THAP6: variants seen among roughly 807,000 people sequenced by gnomAD.
THAP6 encodes the protein THAP domain containing 6.
In THAP6, 13 loss-of-function variants were observed where a neutral mutation model predicts 20.0. That is an observed-to-expected ratio of 0.65 (90% CI 0.42 to 1.03). THAP6 has a LOEUF of 1.03. THAP6 is among the 50% of genes least tolerant of loss of function. The pLI is 0.00. For synonymous variants in THAP6, 93 were observed against 92.2 expected (o/e 1.01, Z -0.05); for missense variants, 262 against 261.6 (o/e 1.00, Z -0.01).
upstream of THAP6, chr4:75,514,390 A>C (rs1487020513): frequency 3.0e-6 from 4 of 1,328,838 alleles, no homozygotes; most frequent in Non-Finnish European, 4.1e-6. Context: ...CCCAGCGGCC[A>C]CTAGCGACAA....
chr4:75,516,442 G>A (rs1429925442), intron 2 of THAP6, among the ~76,000 whole-genome samples: 2 of 152,204 alleles, frequency 1.3e-5, no homozygotes, highest in Non-Finnish European at 2.9e-5. Flanking sequence ...AAAGGCCCAA[G>A]TGATAATTCT....
At chr4:75,515,880 CCTCT>C (rs1348053255) in intron 2 of THAP6, among the ~76,000 whole-genome samples, 3 of 152,164 alleles carry the variant, frequency 2.0e-5, no homozygotes, top group Admixed American at 2.0e-4. Flanking sequence ...AATATATTGC[CCTCT>C]CTATTTAGAA....
intron 3 of THAP6, chr4:75,517,229 G>A: frequency 2.9e-6 from 1 of 346,636 alleles, no homozygotes; most frequent in Non-Finnish European, 5.4e-6. Flanking sequence ...TCTTGGCCAG[G>A]CTGGTCTTGA....
intron 4 of THAP6, among the ~76,000 whole-genome samples, chr4:75,523,546 G>A (rs1351283666): frequency 1.3e-5 from 2 of 152,118 alleles, no homozygotes; most frequent in East Asian, 1.9e-4. Flanking sequence ...GCTCATGCCT[G>A]TAATCCCAGC....
upstream of THAP6, chr4:75,514,449 GGGC>G: frequency 1.3e-6 from 1 of 753,778 alleles, no homozygotes. Context: ...CCGGTTCCCG[GGGC>G]TACGAGGCGG....
chr4:75,539,492 T>C (rs1269661702), intron 2 of THAP6, among the ~76,000 whole-genome samples: 1 of 152,214 alleles, frequency 6.6e-6, no homozygotes, highest in Non-Finnish European at 1.5e-5. Context: ...CAATTAAAGG[T>C]ACTGAAACTA....
chr4:75,531,038 T>A (rs566422226), downstream of THAP6, among the ~76,000 whole-genome samples: 1 of 152,340 alleles, frequency 6.6e-6, no homozygotes, highest in Admixed American at 6.5e-5. Flanking sequence ...GGCATGAAAC[T>A]GCTATCCTTG....
At position 75,528,533 on chromosome 4, in the gene THAP6, T is replaced by TATA; in HGVS notation, c.*1320_*1321insTAA. On this transcript the variant is annotated 3_prime_UTR_variant, in exon 5 of 5. Transcript: ENST00000311638. ...GCATTTTGTGCTCAGTTGTTTATTG[T>TATA]AATTTTATTTTTGTTACATTAATAT... The TATA allele has an allele frequency of 1.0e-6, 1 of 983,876 alleles. No homozygotes were observed. The highest frequency in any genetic ancestry group is 1.2e-6 in the Non-Finnish European group (1 of 828,502). 60.9% of individuals were successfully genotyped at this position (983,876 alleles called of 1,614,324 possible).
intron 4 of THAP6, among the ~76,000 whole-genome samples, chr4:75,524,788 C>G (rs1052850120): frequency 6.6e-6 from 1 of 151,694 alleles, no homozygotes; most frequent in Non-Finnish European, 1.5e-5. Context: ...CAGGGTTTCC[C>G]TCTGTCACCC....
intron 3 of THAP6, among the ~76,000 whole-genome samples, chr4:75,518,683 T>C (rs1236950600): frequency 6.6e-6 from 1 of 152,212 alleles, no homozygotes; most frequent in Non-Finnish European, 1.5e-5. Flanking sequence ...TACTATTAAC[T>C]ACTACTCTCC....
chr4:75,528,023 CT>C lies in THAP6; in HGVS notation c.*813del, dbSNP rs1726489185. On this transcript the variant is annotated 3_prime_UTR_variant, in exon 5 of 5. Transcript: ENST00000311638. The stretch of plus-strand genomic sequence containing the variant: ...TCTGAATGGCAGTACTAGCTCTATA[CT>C]TTTAATACTGCTTTGTATTTTATAT... 4 of 985,012 alleles carry C rather than the reference CT, an allele frequency of 4.1e-6. No individual in the cohort carries two copies. In the South Asian group the frequency reaches 1.9e-4, roughly 46 times the overall value. The allele number at this position is 985,012 out of a possible 1,614,324, so 61.0% of individuals were successfully genotyped here.
intron 3 of THAP6, among the ~76,000 whole-genome samples, chr4:75,547,244 T>A (rs1329944924): frequency 6.6e-6 from 1 of 152,214 alleles, no homozygotes; most frequent in Non-Finnish European, 1.5e-5. Context: ...AAGATTTGGT[T>A]CTTCTGTACA....
chr4:75,516,145 A>C (rs1453704513), intron 2 of THAP6, among the ~76,000 whole-genome samples: 5 of 152,216 alleles, frequency 3.3e-5, no homozygotes, highest in Non-Finnish European at 5.9e-5. Flanking sequence ...ATTTTGTTAG[A>C]TATAATAAAT....
At chr4:75,522,023 A>T in intron 4 of THAP6, 162 bp downstream of exon 4, 1 of 759,866 alleles carries the variant, frequency 1.3e-6, no homozygotes, top group Non-Finnish European at 2.0e-6. Flanking sequence ...TATATATGCA[A>T]CAGCAAAATA....
chr4:75,530,133 TA>T (rs1156632049), downstream of THAP6: 1 of 938,844 alleles, frequency 1.1e-6, no homozygotes, highest in African/African-American at 1.8e-5. Context: ...CCAATAACTC[TA>T]ATATGGGGTC....
At chr4:75,536,273 T>C (rs957721876) in intron 2 of THAP6, among the ~76,000 whole-genome samples, 2 of 152,158 alleles carry the variant, frequency 1.3e-5, no homozygotes, top group Non-Finnish European at 2.9e-5. Flanking sequence ...AAGACCAGCC[T>C]GACCAACATG....
At chr4:75,542,657 T>C (rs1032552284) in intron 3 of THAP6, 40 of 523,884 alleles carry the variant, frequency 7.6e-5, no homozygotes, top group Non-Finnish European at 1.2e-4. Flanking sequence ...GATGTCTTCA[T>C]ATCATTATAT....
At chr4:75,532,681 G>A (rs531688380), downstream of THAP6, among the ~76,000 whole-genome samples, 23 of 152,318 alleles carry the variant, frequency 1.5e-4, no homozygotes, top group East Asian at 1.4e-3. Flanking sequence ...AAATTTAGGC[G>A]GAGATGCCCA....
chr4:75,515,598 C>T, intron 2 of THAP6, 66 bp downstream of exon 2: 5 of 1,517,810 alleles, frequency 3.3e-6, no homozygotes, highest in Non-Finnish European at 4.6e-6. Context: ...GACAGTTCTA[C>T]TTAAGTCTTC....
Sources: allele counts gnomAD v4.1 joint callset (sites outside exome capture counted in the v4.1 genomes callset), GRCh38; gene constraint gnomAD v4.1.1; transcripts MANE v1.5; gene names NCBI Gene and HGNC (gene_info 2026-07-23, HGNC 2026-07-21).